The following TDRP variants were observed in gnomAD, a reference collection of about 807,000 sequenced individuals.
TDRP encodes the protein testis development related protein.
A neutral mutation model predicts 10.5 loss-of-function variants in TDRP; 12 were observed. The ratio of observed to expected loss-of-function variants is 1.15; its 90% CI spans 0.73 to 1.86. The LOEUF (loss-of-function observed/expected upper bound fraction) is 1.86, where lower values mean the gene tolerates loss of function less well. TDRP is among the 40% of genes most tolerant of loss of function. TDRP has a pLI of 0.00. For synonymous variants in TDRP, 139 were observed against 95.4 expected, an observed-to-expected ratio of 1.46 and a Z score of -2.67; for missense variants, 353 against 229.2, an observed-to-expected ratio of 1.54 and a Z score of -3.49.
At chr8:536,004 T>C (rs1353664059) in intron 1 of TDRP, among the ~76,000 whole-genome samples, 2 of 152,184 alleles carry the variant, frequency 1.3e-5, no homozygotes, top group African/African-American at 2.4e-5. Context: ...TTAGACATTC[T>C]AAGTCATGCC....
chr8:512,260 A>G (rs1287160424), intron 1 of TDRP, among the ~76,000 whole-genome samples: 1 of 123,982 alleles, frequency 8.1e-6, no homozygotes, highest in Non-Finnish European at 1.9e-5. Context: ...CTTCTCTACA[A>G]CAACAACAAC....
chr8:531,131 A>C (rs1802182654), intron 1 of TDRP, among the ~76,000 whole-genome samples: 1 of 152,154 alleles, frequency 6.6e-6, no homozygotes, highest in Non-Finnish European at 1.5e-5. Context: ...CAATCATGCC[A>C]AGCTGTGCCA....
At position 491,887 on chromosome 8, in the gene TDRP, T is replaced by G; in HGVS notation, c.*512A>C. On this transcript the variant is annotated 3_prime_UTR_variant, in exon 3 of 3. Transcript: ENST00000324079. ...CTTTTCCAGTATTTGTTTACGTATT[T>G]GTTTAATAAGAACAAAGTTTAATTT... The G allele has an allele frequency of 8.5e-7, 1 of 1,183,410 alleles. No individual in the cohort carries two copies. The allele number at this position is 1,183,410 out of a possible 1,614,324, so 73.3% of individuals were successfully genotyped here.
chr8:510,998 C>T (rs190016656), intron 1 of TDRP, among the ~76,000 whole-genome samples: 4 of 152,142 alleles, frequency 2.6e-5, no homozygotes, highest in Non-Finnish European at 5.9e-5. Context: ...AAATCGGCTA[C>T]AGATGGTAAG....
chr8:509,274 G>A (rs1445664173), intron 1 of TDRP, among the ~76,000 whole-genome samples: 3 of 152,224 alleles, frequency 2.0e-5, no homozygotes, highest in Non-Finnish European at 4.4e-5. Context: ...GTGCCCCAGA[G>A]GGGACTCTCT....
chr8:522,850 T>G (rs1200798197), intron 1 of TDRP, among the ~76,000 whole-genome samples: 1 of 152,252 alleles, frequency 6.6e-6, no homozygotes, highest in Non-Finnish European at 1.5e-5. Context: ...TCCCTTTTAG[T>G]AGAGAACATG....
intron 1 of TDRP, among the ~76,000 whole-genome samples, chr8:508,135 G>T (rs1442983826): frequency 1.3e-5 from 2 of 152,156 alleles, no homozygotes; most frequent in African/African-American, 4.8e-5. Context: ...CGACGGCAAT[G>T]TTGCATCAAA....
intron 1 of TDRP, among the ~76,000 whole-genome samples, chr8:529,652 G>T: frequency 6.6e-6 from 1 of 152,120 alleles, no homozygotes; most frequent in South Asian, 2.1e-4. Flanking sequence ...TTGGCTGGCT[G>T]GGTGTATTTT....
At chr8:510,163 T>G (rs1283453975) in intron 1 of TDRP, among the ~76,000 whole-genome samples, 1 of 152,082 alleles carries the variant, frequency 6.6e-6, no homozygotes, top group East Asian at 1.9e-4. Context: ...GTGACTGGGG[T>G]TTAAATAGGT....
intron 1 of TDRP, among the ~76,000 whole-genome samples, chr8:507,735 A>C (rs1004500745): frequency 6.6e-6 from 1 of 152,182 alleles, no homozygotes; most frequent in Non-Finnish European, 1.5e-5. Flanking sequence ...AACAGCAACA[A>C]TGGGAAAGGG....
rs542429451 is a variant in TDRP, at chr8:510,940, A to G, written c.109-16343T>C. 1.5e-4 allele frequency among the ~76,000 whole-genome samples: 23 copies of G among 152,370 alleles called. No homozygotes were observed. The South Asian group carries it at 4.8e-3, about 32-fold the overall frequency. ...TAATGTGTATGTAATATATTTGCCA[A>G]TAACACCACAAAAGATGAGGGTAGA... On this transcript the variant is annotated intron_variant, in intron 1 of 2. Transcript: ENST00000324079.
Position 492,618 on chromosome 8 carries a change from T to G in TDRP, c.339A>C (p.Lys113Asn), listed in dbSNP as rs1199404247. 3.1e-6 allele frequency: 5 copies of G among 1,613,980 alleles called. No individual in the cohort carries two copies. Among genetic ancestry groups the G allele is most frequent in the East Asian group, 4.5e-5 (2 of 44,876 alleles). The change falls in exon 3 of 3, where the codon AAA (lysine) becomes AAC (asparagine). Residue 113 changes from lysine (K) to asparagine (N), a missense_variant. Transcript: ENST00000324079. ...CAGCCGATATGTCTTCAAGAGCAAG[T>G]TTTGGAGGCTCCCAACCTTCAATTT... ...PDEIEGWEPP[K>N]LALEDISADP...
intron 1 of TDRP, among the ~76,000 whole-genome samples, chr8:496,061 C>G (rs185325398): frequency 6.6e-6 from 1 of 152,190 alleles, no homozygotes; most frequent in Non-Finnish European, 1.5e-5. Context: ...GCCAAAGAAA[C>G]CATCACAACA....
At chr8:517,039 A>G (rs910285228) in intron 1 of TDRP, among the ~76,000 whole-genome samples, 2 of 152,216 alleles carry the variant, frequency 1.3e-5, no homozygotes, top group Admixed American at 6.5e-5. Flanking sequence ...TGGAGGAACC[A>G]GAAAAACTAG....
At chr8:535,015 C>A (rs187824946) in intron 1 of TDRP, among the ~76,000 whole-genome samples, 3 of 152,288 alleles carry the variant, frequency 2.0e-5, no homozygotes, top group African/African-American at 4.8e-5. Context: ...ACAACAGCAG[C>A]CTTGATAAAA....
At chr8:515,188 C>T (rs1166989327) in intron 1 of TDRP, among the ~76,000 whole-genome samples, 1 of 152,184 alleles carries the variant, frequency 6.6e-6, no homozygotes, top group Non-Finnish European at 1.5e-5. Flanking sequence ...AGTACAAGCA[C>T]ACTGATAGGT....
chr8:496,108 C>G (rs1159900480), intron 1 of TDRP, among the ~76,000 whole-genome samples: 1 of 152,170 alleles, frequency 6.6e-6, no homozygotes. Flanking sequence ...TTCCACATCA[C>G]ACACTGCACA....
At chr8:519,286 T>C (rs1801835260) in intron 1 of TDRP, among the ~76,000 whole-genome samples, 1 of 152,134 alleles carries the variant, frequency 6.6e-6, no homozygotes, top group African/African-American at 2.4e-5. Flanking sequence ...CTCTCTTCTG[T>C]TGAGCTGTTC....
intron 1 of TDRP, among the ~76,000 whole-genome samples, chr8:534,470 C>A (rs1802293480): frequency 6.6e-6 from 1 of 152,190 alleles, no homozygotes; most frequent in South Asian, 2.1e-4. Flanking sequence ...CAGCCACCAG[C>A]CCTGTAACTC....
Sources: gnomAD v4.1 joint callset for allele counts (sites outside exome capture counted in the v4.1 genomes callset) on GRCh38, gnomAD v4.1.1 for gene constraint, MANE v1.5 for transcripts, NCBI Gene and HGNC (gene_info 2026-07-23, HGNC 2026-07-21) for gene names.